SEMA6D: variants seen among roughly 807,000 people sequenced by gnomAD.
SEMA6D encodes the protein semaphorin 6D, also known as semaphorin-6D.
Under a neutral mutation model 106.6 loss-of-function variants are expected in SEMA6D, and 35 were observed. That is an observed-to-expected ratio of 0.33 (90% CI 0.25 to 0.44). The LOEUF is 0.44. Ranked by LOEUF, SEMA6D falls within the 20% of genes least tolerant of loss-of-function variation. The pLI is 1.00. For missense variants in SEMA6D, 1,185 were observed against 1,345.9 expected, an observed-to-expected ratio of 0.88 and a Z score of 1.87; for synonymous variants, 499 against 487.7, an observed-to-expected ratio of 1.02 and a Z score of -0.31.
intron 1 of SEMA6D, among the ~76,000 whole-genome samples, chr15:47,202,167 G>T (rs537341338): frequency 5.3e-4 from 81 of 152,066 alleles, no homozygotes; most frequent in African/African-American, 1.9e-3. Context: ...TCAGGAGAGG[G>T]CCTCCCTGAC....
chr15:47,761,902 G>A (rs201649611), intron 7 of SEMA6D, 151 bp downstream of exon 7: 4 of 429,352 alleles, frequency 9.3e-6, no homozygotes, highest in Non-Finnish European at 7.7e-6. Context: ...TCCAAAAAAA[G>A]AAGAAATTAA....
intron 1 of SEMA6D, among the ~76,000 whole-genome samples, chr15:47,357,235 G>A (rs1317567413): frequency 1.3e-5 from 2 of 152,102 alleles, no homozygotes; most frequent in African/African-American, 2.4e-5. Context: ...TCGGGAGGCT[G>A]AGGCAGGAGA....
At chr15:47,370,924 T>C (rs2039250379) in intron 1 of SEMA6D, among the ~76,000 whole-genome samples, 1 of 152,090 alleles carries the variant, frequency 6.6e-6, no homozygotes, top group African/African-American at 2.4e-5. Context: ...GACTGGAGGA[T>C]AATGTGGAAA....
intron 1 of SEMA6D, among the ~76,000 whole-genome samples, chr15:47,247,052 A>G (rs2033248016): frequency 6.6e-6 from 1 of 152,184 alleles, no homozygotes; most frequent in South Asian, 2.1e-4. Context: ...TTCAGTTGTT[A>G]CTTGACCACC....
Position 47,385,874 on chromosome 15 carries a change from CAG to C in SEMA6D, c.-238-26518_-238-26517del, listed in dbSNP as rs1426432255. On this transcript the variant is annotated intron_variant, in intron 1 of 19. Transcript: ENST00000558014. ...TTATTATGTTAGCAAGGAATTTTGA[CAG>C]GGGTTGAATAATAATTTGAGCACAG... is the stretch of plus-strand genomic sequence containing the variant. Among the ~76,000 whole-genome samples, 8 of 152,210 alleles carry C rather than the reference CAG, an allele frequency of 5.3e-5. No individual in the cohort carries two copies. The East Asian group carries it at 7.7e-4, about 15-fold the overall frequency.
intron 1 of SEMA6D, among the ~76,000 whole-genome samples, chr15:47,350,397 GA>G (rs1284468353): frequency 6.6e-6 from 1 of 152,134 alleles, no homozygotes; most frequent in Non-Finnish European, 1.5e-5. Context: ...GAATATCTTT[GA>G]AATTGGATAC....
At chr15:47,429,259 G>T (rs2041447780) in intron 2 of SEMA6D, among the ~76,000 whole-genome samples, 1 of 152,072 alleles carries the variant, frequency 6.6e-6, no homozygotes, top group Non-Finnish European at 1.5e-5. Context: ...CTACCTGTGT[G>T]ACCTCAGATA....
chr15:47,529,866 C>T, intron 3 of SEMA6D, among the ~76,000 whole-genome samples: 1 of 152,158 alleles, frequency 6.6e-6, no homozygotes, highest in Non-Finnish European at 1.5e-5. Context: ...CAGCCATTTG[C>T]TGCCAGTTTG....
At chr15:47,567,694 A>T (rs902083092) in intron 3 of SEMA6D, among the ~76,000 whole-genome samples, 2 of 152,156 alleles carry the variant, frequency 1.3e-5, no homozygotes, top group African/African-American at 4.8e-5. Context: ...GTCTAATATT[A>T]CAGTATATGC....
chr15:47,478,237 G>A (rs2043053542), intron 3 of SEMA6D, among the ~76,000 whole-genome samples: 1 of 152,172 alleles, frequency 6.6e-6, no homozygotes, highest in Non-Finnish European at 1.5e-5. Context: ...AAATGTGAAT[G>A]TGCTTGGTTT....
chr15:47,593,037 C>T (rs558806187), intron 3 of SEMA6D, among the ~76,000 whole-genome samples: 1 of 152,294 alleles, frequency 6.6e-6, no homozygotes, highest in African/African-American at 2.4e-5. Flanking sequence ...CAGTACCTCT[C>T]TGTGAAGTGT....
chr15:47,596,675 C>T (rs986747984), intron 3 of SEMA6D, among the ~76,000 whole-genome samples: 3 of 151,988 alleles, frequency 2.0e-5, no homozygotes, highest in African/African-American at 7.2e-5. Context: ...AGAACACAAT[C>T]AGTAAAGGAC....
rs570548030 is a variant in SEMA6D, at chr15:47,623,570, G to T, written c.-55+22674G>T. The stretch of plus-strand genomic sequence containing the variant: ...TAGCAACTGCTTGGAAAATGAGAGT[G>T]GTGTTGATACTACCAGCAGTAGTTT... On this transcript the variant is annotated intron_variant, in intron 4 of 19. Transcript: ENST00000558014. Among the ~76,000 whole-genome samples, 16 of 152,240 alleles carry T rather than the reference G, an allele frequency of 1.1e-4. No individual in the cohort carries two copies. The East Asian group carries it at 3.1e-3, about 29-fold the overall frequency.
chr15:47,409,474 A>G (rs146869648), intron 1 of SEMA6D, among the ~76,000 whole-genome samples: 17 of 152,286 alleles, frequency 1.1e-4, no homozygotes, highest in African/African-American at 4.1e-4. Flanking sequence ...CCCACATACT[A>G]CAGAATATGG....
intron 2 of SEMA6D, among the ~76,000 whole-genome samples, chr15:47,422,052 G>T (rs1396780372): frequency 6.6e-6 from 1 of 151,746 alleles, no homozygotes; most frequent in Non-Finnish European, 1.5e-5. Context: ...AAACTATTCA[G>T]CAAGAACTAA....
Position 47,720,877 on chromosome 15 carries a change from A to G in SEMA6D, c.-55+3185A>G, listed in dbSNP as rs959807430. On this transcript the variant is annotated intron_variant, in intron 1 of 18. Transcript: ENST00000536845. ...CTTTTGATGCATTTTATGCAGAGTT[A>G]AGAGCCTGGCTGAATGCCTAACCAT... Among the ~76,000 whole-genome samples, 3 of 152,246 alleles carry G rather than the reference A, an allele frequency of 2.0e-5. 1 individual carries two copies. The highest frequency in any genetic ancestry group is 4.4e-5 in the Non-Finnish European group (3 of 68,038).
chr15:47,562,499 C>G (rs140931070), intron 3 of SEMA6D, among the ~76,000 whole-genome samples: 21 of 151,900 alleles, frequency 1.4e-4, no homozygotes, highest in Non-Finnish European at 2.8e-4. Context: ...AAAGACAGGA[C>G]AGAAACTGAG....
At chr15:47,698,529 T>G (rs1258512669) in intron 4 of SEMA6D, among the ~76,000 whole-genome samples, 1 of 152,192 alleles carries the variant, frequency 6.6e-6, no homozygotes, top group Non-Finnish European at 1.5e-5. Context: ...TTGATATAGG[T>G]GGGACCTAAA....
At chr15:47,650,657 G>A (rs2077669752) in intron 4 of SEMA6D, among the ~76,000 whole-genome samples, 2 of 152,110 alleles carry the variant, frequency 1.3e-5, no homozygotes, top group African/African-American at 4.8e-5. Flanking sequence ...TGACATAGGA[G>A]AAACAGTTAT....
Sources: allele counts gnomAD v4.1 joint callset (sites outside exome capture counted in the v4.1 genomes callset), GRCh38; gene constraint gnomAD v4.1.1; transcripts MANE v1.5; gene names NCBI Gene and HGNC (gene_info 2026-07-23, HGNC 2026-07-21).